The following KHDRBS2 variants were observed in gnomAD, a reference collection of about 807,000 sequenced individuals.
KHDRBS2 encodes the protein KH domain-containing, RNA-binding, signal transduction-associated protein 2.
Under a neutral mutation model 44.3 loss-of-function variants are expected in KHDRBS2, and 26 were observed. The observed-to-expected ratio is 0.59, with a 90% CI of 0.43 to 0.81. KHDRBS2 has a LOEUF of 0.81. Ranked by LOEUF, KHDRBS2 falls within the 40% of genes least tolerant of loss-of-function variation. The pLI is 0.00. For synonymous variants in KHDRBS2, 194 were observed against 151.1 expected (o/e 1.28, Z -2.08); for missense variants, 476 against 433.1 (o/e 1.10, Z -0.88).
the KHDRBS2 span, among the ~76,000 whole-genome samples, chr6:61,559,202 G>A: frequency 2.0e-5 from 3 of 151,966 alleles, no homozygotes; most frequent in African/African-American, 7.3e-5. Context: ...TTTTTGTCTT[G>A]AAATCTATTT....
At chr6:62,204,615 G>T (rs1327083973) in intron 1 of KHDRBS2, among the ~76,000 whole-genome samples, 1 of 152,134 alleles carries the variant, frequency 6.6e-6, no homozygotes, top group African/African-American at 2.4e-5. Flanking sequence ...GATTTGGGAT[G>T]CCCAACCGGT....
At chr6:61,673,431 AG>A in the KHDRBS2 span, among the ~76,000 whole-genome samples, 1 of 151,538 alleles carries the variant, frequency 6.6e-6, no homozygotes, top group Non-Finnish European at 1.5e-5. Context: ...CAGGGCAATT[AG>A]GCAGGAGAAG....
intron 2 of KHDRBS2, among the ~76,000 whole-genome samples, chr6:62,147,200 C>T (rs1293633861): frequency 2.0e-5 from 3 of 151,802 alleles, no homozygotes; most frequent in Non-Finnish European, 4.4e-5. Context: ...CACTGTGTTG[C>T]CTCAATTTTC....
At chr6:61,640,078 G>C in the KHDRBS2 span, among the ~76,000 whole-genome samples, 35 of 152,090 alleles carry the variant, frequency 2.3e-4, no homozygotes, top group African/African-American at 8.4e-4. Context: ...GTATGAGAAA[G>C]GCATGCTCAT....
chr6:61,773,865 TA>T (rs969140462), intron 6 of KHDRBS2, among the ~76,000 whole-genome samples: 14 of 150,404 alleles, frequency 9.3e-5, no homozygotes, highest in Admixed American at 9.3e-4. Flanking sequence ...TACATATGGC[TA>T]GCCAGTTTTC....
intron 1 of KHDRBS2, among the ~76,000 whole-genome samples, chr6:62,285,147 C>CA (rs1842308125): frequency 6.6e-6 from 1 of 151,848 alleles, no homozygotes; most frequent in Admixed American, 6.6e-5. Context: ...CAAAGCAATG[C>CA]AAAAAACAAG....
intron 6 of KHDRBS2, among the ~76,000 whole-genome samples, chr6:61,806,257 T>C (rs1787140891): frequency 1.3e-5 from 2 of 152,174 alleles, no homozygotes; most frequent in African/African-American, 2.4e-5. Context: ...TGATTCTCTG[T>C]TGGGGTACTC....
At chr6:61,976,569 C>G (rs1003475218) in intron 4 of KHDRBS2, among the ~76,000 whole-genome samples, 1 of 152,038 alleles carries the variant, frequency 6.6e-6, no homozygotes, top group African/African-American at 2.4e-5. Flanking sequence ...TTTAAACCAT[C>G]CATTAATATT....
In KHDRBS2 at chr6:61,784,940, G is replaced by T. The variant is rs560139684; in HGVS notation, c.811-52176C>A. Among the ~76,000 whole-genome samples the T allele has an allele frequency of 1.6e-4, 25 of 152,124 alleles. No individual in the cohort carries two copies. In the South Asian group the frequency reaches 4.6e-3, roughly 28 times the overall value. On this transcript the variant is annotated intron_variant, in intron 6 of 8. Coordinates refer to ENST00000281156, the MANE Select transcript of KHDRBS2 (RefSeq NM_152688.4). Reference sequence around the variant, plus strand: ...AAGGTGAGCAGTTTGCTTCAGCCTAGGAGTTTGAAACTAGCCTGGGCAACA... The same window carrying T: ...AAGGTGAGCAGTTTGCTTCAGCCTATGAGTTTGAAACTAGCCTGGGCAACA...
At chr6:61,553,733 T>C in the KHDRBS2 span, among the ~76,000 whole-genome samples, 16 of 152,314 alleles carry the variant, frequency 1.1e-4, no homozygotes, top group African/African-American at 3.6e-4. Context: ...AATTTCTTGA[T>C]TTCTGCCTTG....
intron 3 of KHDRBS2, among the ~76,000 whole-genome samples, chr6:61,988,953 G>C (rs1283978755): frequency 6.6e-6 from 1 of 152,074 alleles, no homozygotes; most frequent in East Asian, 1.9e-4. Flanking sequence ...ATGAACGCTT[G>C]AATAAAAACA....
At chr6:62,155,250 CAA>C (rs1364123973) in intron 2 of KHDRBS2, among the ~76,000 whole-genome samples, 1 of 151,978 alleles carries the variant, frequency 6.6e-6, no homozygotes, top group African/African-American at 2.4e-5. Context: ...GACTATATAA[CAA>C]AGAGAATAAA....
At chr6:61,964,068 T>C (rs1289762915) in intron 4 of KHDRBS2, among the ~76,000 whole-genome samples, 2 of 152,048 alleles carry the variant, frequency 1.3e-5, no homozygotes, top group Non-Finnish European at 2.9e-5. Flanking sequence ...TCTTTTCCTC[T>C]GAATATATCA....
chr6:62,068,301 A>G lies in KHDRBS2; in HGVS notation c.220-20307T>C, dbSNP rs568412342. Among the ~76,000 whole-genome samples, 17 of 151,684 alleles carry G rather than the reference A, an allele frequency of 1.1e-4. No homozygotes were observed. The East Asian group carries it at 3.1e-3, about 28-fold the overall frequency. ...ATATTGAACATCTTTTCATATGTTTATCGACTTTTATATACCTTCCTTGGA... is the reference window on the plus strand; with the variant it reads ...ATATTGAACATCTTTTCATATGTTTGTCGACTTTTATATACCTTCCTTGGA... On this transcript the variant is annotated intron_variant, in intron 2 of 8. Coordinates refer to ENST00000281156, the MANE Select transcript of KHDRBS2 (RefSeq NM_152688.4).
intron 4 of KHDRBS2, among the ~76,000 whole-genome samples, chr6:61,910,373 A>G (rs904808452): frequency 3.3e-5 from 5 of 152,244 alleles, no homozygotes; most frequent in Admixed American, 2.0e-4. Context: ...ATGGCTCTGC[A>G]TAAGTTTTGT....
chr6:61,929,395 C>T (rs918580078), intron 4 of KHDRBS2, among the ~76,000 whole-genome samples: 1 of 152,152 alleles, frequency 6.6e-6, no homozygotes, highest in Admixed American at 6.5e-5. Flanking sequence ...TTTCAACCTG[C>T]ACCAATTTGG....
chr6:62,123,060 C>A (rs1435849205), intron 2 of KHDRBS2, among the ~76,000 whole-genome samples: 1 of 152,066 alleles, frequency 6.6e-6, no homozygotes, highest in Non-Finnish European at 1.5e-5. Flanking sequence ...AGACCCCCAA[C>A]CCCCAACTGG....
chr6:61,629,483 CA>C, the KHDRBS2 span, among the ~76,000 whole-genome samples: 1 of 152,144 alleles, frequency 6.6e-6, no homozygotes, highest in Non-Finnish European at 1.5e-5. Flanking sequence ...TCTCGCTAGT[CA>C]AAAAAGATAC....
intron 7 of KHDRBS2, among the ~76,000 whole-genome samples, chr6:61,719,720 C>A (rs1370767629): frequency 6.6e-6 from 1 of 151,968 alleles, no homozygotes; most frequent in African/African-American, 2.4e-5. Context: ...GTCATCTTTA[C>A]CAGTCATTAA....
Sources: allele counts gnomAD v4.1 joint callset (sites outside exome capture counted in the v4.1 genomes callset), GRCh38; gene constraint gnomAD v4.1.1; transcripts MANE v1.5; gene names NCBI Gene and HGNC (gene_info 2026-07-23, HGNC 2026-07-21).